The following CLIP1 variants were observed in gnomAD, a reference collection of about 807,000 sequenced individuals.
The protein encoded by CLIP1 is CAP-Gly domain-containing linker protein 1.
Under a neutral mutation model 161.6 loss-of-function variants are expected in CLIP1, and 66 were observed. The observed-to-expected ratio is 0.41, with a 90% confidence interval of 0.33 to 0.50. CLIP1 has a LOEUF of 0.50. CLIP1 is among the 20% of genes least tolerant of loss of function. The probability of loss-of-function intolerance (pLI) is 0.27; values close to 1 mark genes in which losing one functional copy is unlikely to be tolerated. For missense variants in CLIP1, 1,376 were observed against 1,702.0 expected, an observed-to-expected ratio of 0.81 and a Z score of 3.37; for synonymous variants, 598 against 626.2, an observed-to-expected ratio of 0.96 and a Z score of 0.67.
rs1385652028 is a variant in CLIP1, at chr12:122,390,207, TACACAC to T, written c.-106-9655_-106-9650del. 2.3e-5 allele frequency among the ~76,000 whole-genome samples: 3 copies of T among 128,806 alleles called. No individual in the cohort carries two copies. The South Asian group carries it at 7.2e-4, about 31-fold the overall frequency. 84.5% of individuals were successfully genotyped at this position (128,806 alleles called of 152,430 possible). ...TATATATATATATATAATATATATA[TACACAC>T]ATATATATACACACATATATACACA... On this transcript the variant is annotated intron_variant, in intron 1 of 25. Transcript: ENST00000620786.
Position 122,278,890 on chromosome 12 carries a change from A to T in CLIP1, c.3818T>A (p.Val1273Asp), listed in dbSNP as rs781598963. 1 of 1,613,264 alleles carries T rather than the reference A, an allele frequency of 6.2e-7. No homozygotes were observed. ...NASAKSLHSV[V>D]QTLESDKVKL... ...CACCTTATCAGACTCTAGAGTCTGA[A>T]CAACTGAATGCAAGGACTTGGCAGA... Residue 1273 changes from valine to aspartate, a missense_variant, in exon 23 of 26, where the codon GTT becomes GAT. By Grantham distance (152) the Val-to-Asp change is radical. This residue lies in a region of CLIP1 where 948 missense variants were observed against 1,134.8 expected (regional missense o/e 0.84). Transcript: ENST00000620786.
chr12:122,336,978 CTTTCTT>C (rs1952258660), intron 11 of CLIP1, among the ~76,000 whole-genome samples: 1 of 121,384 alleles, frequency 8.2e-6, no homozygotes, highest in Non-Finnish European at 1.8e-5. Flanking sequence ...TTTTTTTTCT[CTTTCTT>C]TCTGACACAG....
chr12:122,365,313 C>T lies in CLIP1; in HGVS notation c.658-1206G>A, dbSNP rs552458002. Reference sequence around the variant, plus strand: ...AATGCGTACTGTTCAAAAAGGAATGCCCCACAAGTGTTACCATGGCAAAAG... The same window carrying T: ...AATGCGTACTGTTCAAAAAGGAATGTCCCACAAGTGTTACCATGGCAAAAG... On this transcript the variant is annotated intron_variant, in intron 3 of 25. Transcript: ENST00000620786. 57 of 856,388 alleles carry T rather than the reference C, an allele frequency of 6.7e-5. No individual in the cohort carries two copies. In the African/African-American group the frequency reaches 8.3e-4, roughly 12 times the overall value. The allele number at this position is 856,388 out of a possible 1,614,324, so 53.0% of individuals were successfully genotyped here.
intron 2 of CLIP1, among the ~76,000 whole-genome samples, chr12:122,378,903 A>G (rs1954869464): frequency 6.6e-6 from 1 of 152,106 alleles, no homozygotes; most frequent in Non-Finnish European, 1.5e-5. Flanking sequence ...AGGCGGGCAG[A>G]TCACCTGAGG....
Position 122,377,863 on chromosome 12 carries a change from C to T in CLIP1, c.183G>A (p.Gly61=). The T allele has an allele frequency of 6.2e-7, 1 of 1,613,902 alleles. No individual in the cohort carries two copies. The change falls in exon 3 of 26, where the codon GGG becomes GGA. Residue 61 remains glycine, a synonymous_variant. Coordinates refer to ENST00000620786, the MANE Select transcript of CLIP1 (RefSeq NM_001247997.2). ...QEEFVDDFRV[G]ERVWVNGNKP... Reference sequence around the variant, plus strand: ...TATTTCCATTCACCCAAACTCGCTCCCCAACTCGAAAGTCATCCACAAATT... The same window carrying T: ...TATTTCCATTCACCCAAACTCGCTCTCCAACTCGAAAGTCATCCACAAATT...
chr12:122,328,549 C>T (rs1951800410), intron 15 of CLIP1, 123 bp from the exon 16 acceptor site: 1 of 556,818 alleles, frequency 1.8e-6, no homozygotes, highest in Non-Finnish European at 2.7e-6. Flanking sequence ...TTAATAACAT[C>T]AGAACTAGGC....
rs544241194 is a variant in CLIP1 at position 122,332,324 on chromosome 12, T to C, written c.2867+663A>G. On this transcript the variant is annotated intron_variant, in intron 15 of 25. Coordinates refer to ENST00000620786, the MANE Select transcript of CLIP1 (RefSeq NM_001247997.2). ...AAAAAAAAAAAAGCGTATATGTATA[T>C]ATACATCTATATACACATCTATATA... 4.6e-5 allele frequency among the ~76,000 whole-genome samples: 7 copies of C among 152,076 alleles called. No homozygotes were observed. In the South Asian group the frequency reaches 1.5e-3, roughly 32 times the overall value.
chr12:122,369,760 G>A (rs987012011), intron 3 of CLIP1, among the ~76,000 whole-genome samples: 1 of 151,790 alleles, frequency 6.6e-6, no homozygotes, highest in Admixed American at 6.6e-5. Context: ...GGATGCCTGA[G>A]GAGGTAACAC....
chr12:122,298,405 AAACGTGGCC>A (rs1372527975), intron 20 of CLIP1, among the ~76,000 whole-genome samples: 2 of 151,924 alleles, frequency 1.3e-5, no homozygotes, highest in Non-Finnish European at 2.9e-5. Context: ...GGTCGAGTTC[AAACGTGGCC>A]AACGTGGCCA....
intron 1 of CLIP1, among the ~76,000 whole-genome samples, chr12:122,406,331 A>G (rs1956328452): frequency 6.6e-6 from 1 of 152,192 alleles, no homozygotes; most frequent in Non-Finnish European, 1.5e-5. Flanking sequence ...CTGTGGTCCC[A>G]CAGAGTGAGA....
rs1456253984 is a variant in CLIP1, at chr12:122,368,554, C to T, written c.658-4447G>A. ...ATAAAGCTATAAAATGTCTCAAGAG[C>T]AGTAATGAGGGGTTGTTTCACAGGA... On this transcript the variant is annotated intron_variant, in intron 3 of 25. Transcript: ENST00000620786. Among the ~76,000 whole-genome samples the T allele has an allele frequency of 2.0e-5, 3 of 152,084 alleles. No homozygotes were observed. In the East Asian group the frequency reaches 5.8e-4, roughly 29 times the overall value.
chr12:122,299,547 A>T (rs770590969), intron 20 of CLIP1, among the ~76,000 whole-genome samples: 4 of 145,140 alleles, frequency 2.8e-5, no homozygotes, highest in Non-Finnish European at 6.0e-5. Flanking sequence ...ATTTTTTTAA[A>T]TAATTACTTT....
chr12:122,351,065 T>C, intron 9 of CLIP1, 46 bp downstream of exon 9: 4 of 1,402,956 alleles, frequency 2.9e-6, no homozygotes, highest in Non-Finnish European at 3.9e-6. Context: ...CTGTGATCAA[T>C]CTTTGTTAAC....
Position 122,311,098 on chromosome 12 carries a change from C to A in CLIP1, c.3474-1216G>T, listed in dbSNP as rs186575736. ...GAGATGCATATATATGAATCTCTCT[C>A]TATATATGTATATATGTATATACAT... On this transcript the variant is annotated intron_variant, in intron 19 of 25. Coordinates refer to ENST00000620786, the MANE Select transcript of CLIP1 (RefSeq NM_001247997.2). The surrounding 1 kb of genome is among the most constrained non-coding windows in gnomAD (Gnocchi z 4.3). 4.0e-4 allele frequency among the ~76,000 whole-genome samples: 61 copies of A among 152,282 alleles called. 1 individual carries two copies. The highest frequency in any genetic ancestry group is 3.4e-3 in the Middle Eastern group (1 of 294).
Position 122,271,891 on chromosome 12 carries a change from A to G in CLIP1, c.*984T>C, listed in dbSNP as rs80213338. 13,419 of 152,624 alleles carry G rather than the reference A, an allele frequency of 0.088. 759 individuals carry two copies. The highest frequency in any genetic ancestry group is 0.16 in the African/African-American group (6,681 of 41,484). 9.5% of individuals were successfully genotyped at this position (152,624 alleles called of 1,614,324 possible). On this transcript the variant is annotated 3_prime_UTR_variant, in exon 26 of 26. Transcript: ENST00000620786. ...TAGATTGGTTATTTAGGTGTTTTAT[A>G]CTGGCTTATTGTTAATTGACTGCTG...
chr12:122,297,907 C>T (rs1319647014), intron 20 of CLIP1, among the ~76,000 whole-genome samples: 1 of 152,184 alleles, frequency 6.6e-6, no homozygotes, highest in African/African-American at 2.4e-5. Flanking sequence ...CCACTTCCGG[C>T]AGGGTCATGT....
chr12:122,357,861 A>C (rs1953549925), intron 5 of CLIP1, among the ~76,000 whole-genome samples: 1 of 151,224 alleles, frequency 6.6e-6, no homozygotes, highest in Non-Finnish European at 1.5e-5. Context: ...CTGGGAGGTG[A>C]GGGGCGCCTC....
intron 5 of CLIP1, 193 bp downstream of exon 5, chr12:122,360,764 TTC>T: frequency 1.8e-6 from 1 of 544,796 alleles, no homozygotes; most frequent in Non-Finnish European, 3.2e-6. Context: ...TAAAAGCACT[TTC>T]TGATTTCAAA....
intron 1 of CLIP1, among the ~76,000 whole-genome samples, chr12:122,407,035 A>G (rs1593262324): frequency 1.3e-5 from 2 of 152,316 alleles, no homozygotes; most frequent in East Asian, 1.9e-4. Flanking sequence ...TTGTAACTCT[A>G]ACACATACCA....
Sources: gnomAD v4.1 joint callset for allele counts (sites outside exome capture counted in the v4.1 genomes callset) on GRCh38, gnomAD v4.1.1 for gene constraint, gnomAD v4.1.1 regional missense constraint, Gnocchi (gnomAD v3.1) non-coding constraint, MANE v1.5 for transcripts, NCBI Gene and HGNC (gene_info 2026-07-23, HGNC 2026-07-21) for gene names.